OSBPL10: variants seen among roughly 807,000 people sequenced by gnomAD.
The protein encoded by OSBPL10 is oxysterol-binding protein-related protein 10.
OSBPL10 carries 49 observed loss-of-function variants against 81.7 expected under a neutral mutation model. The observed-to-expected ratio is 0.60, with a 90% CI of 0.48 to 0.76. OSBPL10 has a LOEUF of 0.76. Ranked by LOEUF, OSBPL10 falls within the 30% of genes least tolerant of loss-of-function variation. The pLI, the probability that OSBPL10 is intolerant of heterozygous loss-of-function variation, is 0.00. For missense variants in OSBPL10, 923 were observed against 987.8 expected (o/e 0.93, Z 0.88); for synonymous variants, 419 against 383.6 (o/e 1.09, Z -1.08).
chr3:31,715,279 G>T (rs1575495277), intron 6 of OSBPL10, among the ~76,000 whole-genome samples: 1 of 152,348 alleles, frequency 6.6e-6, no homozygotes, highest in Non-Finnish European at 1.5e-5. Flanking sequence ...ATATTGGACA[G>T]CATAGAAAGA....
chr3:32,001,672 C>A (rs1699148983), intron 2 of OSBPL10, among the ~76,000 whole-genome samples: 1 of 152,016 alleles, frequency 6.6e-6, no homozygotes, highest in African/African-American at 2.4e-5. Context: ...AACTTAATTT[C>A]TACTGTTAGT....
intron 4 of OSBPL10, among the ~76,000 whole-genome samples, chr3:31,826,743 G>A (rs34412770): frequency 5.9e-5 from 9 of 152,220 alleles, no homozygotes; most frequent in East Asian, 1.9e-4. Context: ...TAATAACTGC[G>A]GAACTTTCTA....
intron 8 of OSBPL10, among the ~76,000 whole-genome samples, chr3:31,678,562 A>C (rs1055235729): frequency 1.3e-5 from 2 of 152,174 alleles, no homozygotes; most frequent in African/African-American, 4.8e-5. Context: ...CCAAAAATGG[A>C]TTGCAAATCT....
At chr3:32,033,180 T>C (rs1699488134) in intron 2 of OSBPL10, among the ~76,000 whole-genome samples, 1 of 152,200 alleles carries the variant, frequency 6.6e-6, no homozygotes, top group Non-Finnish European at 1.5e-5. Context: ...ATCATTTTGG[T>C]TCAACTTGTC....
chr3:31,798,207 G>A (rs1288795342), intron 4 of OSBPL10, among the ~76,000 whole-genome samples: 1 of 152,072 alleles, frequency 6.6e-6, no homozygotes, highest in Non-Finnish European at 1.5e-5. Flanking sequence ...GAGGCAGGTG[G>A]ATCACCTGAG....
chr3:31,832,174 T>C (rs1005803638), intron 3 of OSBPL10, among the ~76,000 whole-genome samples: 7 of 152,194 alleles, frequency 4.6e-5, no homozygotes, highest in Non-Finnish European at 7.3e-5. Flanking sequence ...GGTAAATAAG[T>C]ATTTTTGTTA....
At chr3:31,870,620 G>C (rs1197594885) in intron 3 of OSBPL10, among the ~76,000 whole-genome samples, 1 of 152,248 alleles carries the variant, frequency 6.6e-6, no homozygotes, top group Admixed American at 6.5e-5. Context: ...GTCTAGCGCA[G>C]GGATTGTAAA....
chr3:31,960,238 A>G (rs1698122452), intron 1 of OSBPL10: 2 of 152,106 alleles, frequency 1.3e-5, no homozygotes, highest in African/African-American at 4.8e-5. Context: ...CAGCCTCCCA[A>G]AACAGCACCT....
At chr3:31,914,674 T>C (rs1696698311) in intron 1 of OSBPL10, among the ~76,000 whole-genome samples, 1 of 152,182 alleles carries the variant, frequency 6.6e-6, no homozygotes, top group African/African-American at 2.4e-5. Flanking sequence ...ATATGAAGAC[T>C]AGAACTAGAA....
At position 31,748,857 on chromosome 3, in the gene OSBPL10, A is replaced by G. The variant is rs897203578; in HGVS notation, c.730-737T>C. The stretch of plus-strand genomic sequence containing the variant: ...ATGATGTCTTTGAACTAACAAATCA[A>G]AAAGAAAAGAACACAAGATCTAGAA... On this transcript the variant is annotated intron_variant, in intron 4 of 11. Coordinates refer to ENST00000396556, the MANE Select transcript of OSBPL10 (RefSeq NM_017784.5). Among the ~76,000 whole-genome samples, 19 of 152,160 alleles carry G rather than the reference A, an allele frequency of 1.2e-4. 1 individual carries two copies.
At chr3:31,979,506 A>C (rs1051484352) in intron 1 of OSBPL10, among the ~76,000 whole-genome samples, 2 of 152,200 alleles carry the variant, frequency 1.3e-5, no homozygotes, top group African/African-American at 4.8e-5. Flanking sequence ...ATAACCAAGT[A>C]ATATAGTCCA....
intron 1 of OSBPL10, among the ~76,000 whole-genome samples, chr3:31,931,134 T>C (rs1285764862): frequency 6.6e-6 from 1 of 151,618 alleles, no homozygotes; most frequent in Non-Finnish European, 1.5e-5. Flanking sequence ...CTGGTGATTA[T>C]CTTTGGAGAG....
chr3:31,827,245 A>G (rs955805654), intron 4 of OSBPL10, among the ~76,000 whole-genome samples: 5 of 152,054 alleles, frequency 3.3e-5, no homozygotes, highest in African/African-American at 1.2e-4. Flanking sequence ...ATGAAACTCT[A>G]TGGAAAATTT....
In OSBPL10 at chr3:32,076,475, GGT is replaced by G. The variant is rs144304364; in HGVS notation, n.185+919_185+920del. ...CTCGTTGCTCACACAAAGCCTGTTTGGTGGTCTCTTCACACGGACACGCGTGA... is the reference window on the plus strand; with the variant it reads ...CTCGTTGCTCACACAAAGCCTGTTTGGGTCTCTTCACACGGACACGCGTGA... On this transcript the variant is annotated intron_variant and non_coding_transcript_variant, in intron 1 of 3. Transcript: ENST00000479173. 2.3e-3 allele frequency among the ~76,000 whole-genome samples: 346 copies of G among 152,210 alleles called. 12 individuals carry two copies. In the East Asian group the frequency reaches 0.053, roughly 23 times the overall value.
intron 4 of OSBPL10, among the ~76,000 whole-genome samples, chr3:31,771,066 A>C (rs774552614): frequency 6.6e-6 from 1 of 152,192 alleles, no homozygotes; most frequent in Non-Finnish European, 1.5e-5. Flanking sequence ...ACATAGGCTT[A>C]TCATGAGGAA....
At chr3:32,008,034 C>A (rs1699220344) in intron 2 of OSBPL10, among the ~76,000 whole-genome samples, 1 of 151,916 alleles carries the variant, frequency 6.6e-6, no homozygotes, top group Admixed American at 6.6e-5. Context: ...CTGTAAAGAT[C>A]ATTTCTTTAA....
At chr3:31,812,331 C>T (rs1487569650) in intron 4 of OSBPL10, among the ~76,000 whole-genome samples, 1 of 152,188 alleles carries the variant, frequency 6.6e-6, no homozygotes, top group East Asian at 1.9e-4. Flanking sequence ...CGCGCCTGGC[C>T]CTGGCCAGGT....
intron 3 of OSBPL10, among the ~76,000 whole-genome samples, chr3:31,871,020 G>A (rs910824343): frequency 4.6e-5 from 7 of 152,174 alleles, no homozygotes; most frequent in African/African-American, 1.2e-4. Flanking sequence ...TCAGCGCCCT[G>A]TCAAAACAGA....
chr3:31,733,301 G>A lies in OSBPL10; in HGVS notation c.1051C>T (p.Pro351Ser). 1 of 1,613,170 alleles carries A rather than the reference G, an allele frequency of 6.2e-7. No homozygotes were observed. ...GTTTGTTCGTCTTCAGCAGAGTTTG[G>A]TAAAATTGCCCAGGTTATGTTGGCA... is the stretch of plus-strand genomic sequence containing the variant. ...ASANITWAILPNSAEDEQTSQ... is the reference protein window; with the variant it reads ...ASANITWAILSNSAEDEQTSQ... Residue 351 changes from proline to serine, a missense_variant, in exon 6 of 12, where the codon CCA (proline) becomes TCA (serine). Around this residue, in one of 3 missense-constraint regions of OSBPL10, gnomAD observed 514 missense variants for 508.0 expected, o/e 1.01. Coordinates refer to ENST00000396556, the MANE Select transcript of OSBPL10 (RefSeq NM_017784.5).
Sources: gnomAD v4.1 joint callset for allele counts (sites outside exome capture counted in the v4.1 genomes callset) on GRCh38, gnomAD v4.1.1 for gene constraint, gnomAD v4.1.1 regional missense constraint, MANE v1.5 for transcripts, NCBI Gene and HGNC (gene_info 2026-07-23, HGNC 2026-07-21) for gene names.